P3H1: variants seen among roughly 807,000 people sequenced by gnomAD.
P3H1 encodes prolyl 3-hydroxylase 1.
In P3H1, 69 loss-of-function variants were observed where a neutral mutation model predicts 84.0. The observed-to-expected ratio is 0.82, with a 90% CI of 0.68 to 1.00. The LOEUF (loss-of-function observed/expected upper bound fraction) is 1.00. Among genes scored for constraint, P3H1 ranks in the 50% least tolerant of loss-of-function variants. The pLI, the probability that P3H1 is intolerant of heterozygous loss-of-function variation, is 0.00. For missense variants in P3H1, 878 were observed against 962.8 expected (o/e 0.91, Z 1.17); for synonymous variants, 366 against 388.8 (o/e 0.94, Z 0.69).
chr1:42,757,366 T>G (rs1055035662), intron 5 of P3H1, among the ~76,000 whole-genome samples: 1 of 151,360 alleles, frequency 6.6e-6, no homozygotes, highest in African/African-American at 2.4e-5. Flanking sequence ...GAACAAACAA[T>G]GGCAGGAAGA....
At chr1:42,750,880 G>A (rs1386086304) in intron 10 of P3H1, among the ~76,000 whole-genome samples, 10 of 149,196 alleles carry the variant, frequency 6.7e-5, no homozygotes, top group East Asian at 4.1e-4. Context: ...GCCTCTGCCC[G>A]GCTGCCCCTA....
Position 42,762,369 on chromosome 1 carries a change from C to T in P3H1, c.572G>A (p.Gly191Glu). Residue 191 changes from glycine (G) to glutamate (E), a missense_variant, in exon 2 of 15, where the codon GGA (glycine) becomes GAA (glutamate). Coordinates refer to ENST00000296388, the MANE Select transcript of P3H1 (RefSeq NM_022356.4). Reference protein sequence around the residue: ...QNLDYYQTMSGVKEADFKDLE... With the variant: ...QNLDYYQTMSEVKEADFKDLE... Reference sequence around the variant, plus strand: ...ATCCTTGAAGTCGGCCTCCTTCACTCCAGACATGGTTTGGTAATAGTCTAG... The same window carrying T: ...ATCCTTGAAGTCGGCCTCCTTCACTTCAGACATGGTTTGGTAATAGTCTAG... 2 of 1,614,172 alleles carry T rather than the reference C, an allele frequency of 1.2e-6. No individual in the cohort carries two copies. Among genetic ancestry groups the T allele is most frequent in the Non-Finnish European group, 1.7e-6 (2 of 1,180,010 alleles).
intron 14 of P3H1, 142 bp downstream of exon 14, chr1:42,747,130 C>G: frequency 6.2e-7 from 1 of 1,614,180 alleles, no homozygotes; most frequent in Non-Finnish European, 8.5e-7. Flanking sequence ...AATGACAGGG[C>G]GTTGGAGCTG....
At position 42,754,831 on chromosome 1, in the gene P3H1, G is replaced by A; in HGVS notation, c.1345+38C>T. 6.2e-7 allele frequency: 1 copy of A among 1,613,770 alleles called. No individual in the cohort carries two copies. Among genetic ancestry groups the A allele is most frequent in the Middle Eastern group, 1.7e-4 (1 of 6,052 alleles). On this transcript the variant is annotated intron_variant, in intron 8 of 14. Transcript: ENST00000296388. The surrounding 1 kb of genome is among the most constrained non-coding windows in gnomAD (Gnocchi z 4.0). ...TGTGGGGTGACCTGCCTGGCTCCCTGACAACAGCCAGACATGCCCCTATTT... is the reference window on the plus strand; with the variant it reads ...TGTGGGGTGACCTGCCTGGCTCCCTAACAACAGCCAGACATGCCCCTATTT...
intron 4 of P3H1, among the ~76,000 whole-genome samples, 181 bp from the exon 5 acceptor site, chr1:42,758,103 C>T (rs1652502253): frequency 6.6e-6 from 1 of 152,210 alleles, no homozygotes; most frequent in African/African-American, 2.4e-5. Context: ...AAGTAATACA[C>T]ATAGAATGTG....
At chr1:42,748,723 T>G (rs1215082866) in intron 11 of P3H1, 6 of 286,264 alleles carry the variant, frequency 2.1e-5, no homozygotes, top group Admixed American at 4.3e-5. Context: ...TGGCAGGAAG[T>G]GGGGCAGAGA....
intron 13 of P3H1, 112 bp downstream of exon 13, chr1:42,747,611 T>C: frequency 1.6e-6 from 2 of 1,230,012 alleles, no homozygotes; most frequent in African/African-American, 1.5e-5. Context: ...GGGGGAAGGG[T>C]ACCGCCCACT....
rs773269078 is a variant in P3H1, at chr1:42,758,918, G to A, written c.874C>T (p.Arg292Ter). 5.0e-6 allele frequency: 8 copies of A among 1,614,012 alleles called. No homozygotes were observed. The highest frequency in any genetic ancestry group is 3.3e-5 in the Admixed American group (2 of 60,012). ...AGGAAGTCTTCAAAGGGCTTCTCTC[G>A]ACTTGGGTGGGAAGCAAGCTCCGTG... ...CVTELASHPS[R>*]EKPFEDFLPS... Residue 292 changes from arginine to a stop codon, truncating the protein, a stop_gained, in exon 4 of 15, where the codon CGA (arginine) becomes TGA (stop). Transcript: ENST00000296388. LOFTEE classifies it high-confidence loss of function.
chr1:42,755,308 T>C (rs1176114368), intron 6 of P3H1, 91 bp from the exon 7 acceptor site: 1 of 1,247,936 alleles, frequency 8.0e-7, no homozygotes, highest in East Asian at 2.4e-5. Context: ...ACAGGAGTAA[T>C]CCAGCTTATC....
chr1:42,766,976 C>G lies in P3H1; in HGVS notation c.-5G>C. The G allele has an allele frequency of 1.2e-6, 2 of 1,607,268 alleles. No individual in the cohort carries two copies. The highest frequency in any genetic ancestry group is 1.7e-6 in the Non-Finnish European group (2 of 1,179,710). The stretch of plus-strand genomic sequence containing the variant: ...CTTCAACGCGCGTACCGCCATCGCT[C>G]CCTCAGACCTAACGGAACCGCCAGC... On this transcript the variant is annotated 5_prime_UTR_variant, in exon 1 of 15. Transcript: ENST00000296388.
intron 7 of P3H1, 76 bp from the exon 8 acceptor site, chr1:42,755,066 T>G (rs966139019): frequency 6.2e-7 from 1 of 1,613,762 alleles, no homozygotes. Context: ...AAACTGGACC[T>G]GCCCACCCCT....
Position 42,762,331 on chromosome 1 carries a change from G to T in P3H1, c.610C>A (p.Pro204Thr), listed in dbSNP as rs766367865. 1.2e-6 allele frequency: 2 copies of T among 1,613,974 alleles called. No homozygotes were observed. Among genetic ancestry groups the T allele is most frequent in the Non-Finnish European group, 1.7e-6 (2 of 1,179,922 alleles). The change falls in exon 2 of 15, where the codon CCC (proline) becomes ACC (threonine). Residue 204 changes from proline (P) to threonine (T), a missense_variant. Physicochemically the swap from Pro to Thr is conservative, Grantham distance 38. Coordinates refer to ENST00000296388, the MANE Select transcript of P3H1 (RefSeq NM_022356.4). The part of the protein sequence containing the change: ...EADFKDLETQ[P>T]HMQEFRLGVR... ...GATAAAGTTTTTTTCACCATATGGG[G>T]TTGAGTCTCAAGATCCTTGAAGTCG...
At chr1:42,757,001 G>C (rs1652437773) in intron 5 of P3H1, among the ~76,000 whole-genome samples, 1 of 152,192 alleles carries the variant, frequency 6.6e-6, no homozygotes, top group Admixed American at 6.5e-5. Context: ...TTCCAAAAGG[G>C]GACTTCTAGT....
chr1:42,747,274 G>GC lies in P3H1; in HGVS notation c.2052dup (p.Arg685AlafsTer8). The GC allele has an allele frequency of 1.2e-6, 2 of 1,613,868 alleles. No individual in the cohort carries two copies. The highest frequency in any genetic ancestry group is 1.7e-6 in the Non-Finnish European group (2 of 1,179,894). ...TCACCCGCTCGAGCTGCTCTCACCC[G>GC]CTCGCTGTGTCGAGGGTCCAGGGTG... On this transcript the variant is annotated frameshift_variant, in exon 14 of 15. Coordinates refer to ENST00000296388, the MANE Select transcript of P3H1 (RefSeq NM_022356.4). LOFTEE classifies it high-confidence loss of function.
intron 8 of P3H1, among the ~76,000 whole-genome samples, chr1:42,753,355 G>A (rs1652214816): frequency 6.6e-6 from 1 of 152,140 alleles, no homozygotes; most frequent in South Asian, 2.1e-4. Flanking sequence ...GTTAATTTAA[G>A]CAACTATAGG....
At chr1:42,764,045 G>A (rs550643949) in intron 1 of P3H1, among the ~76,000 whole-genome samples, 3 of 150,548 alleles carry the variant, frequency 2.0e-5, no homozygotes, top group South Asian at 2.1e-4. Context: ...CAGGAGAATC[G>A]CTTGAACCCA....
intron 7 of P3H1, 23 bp downstream of exon 7, chr1:42,755,142 T>G (rs369774706): frequency 6.2e-7 from 1 of 1,613,792 alleles, no homozygotes; most frequent in South Asian, 1.1e-5. Flanking sequence ...GATCCAACCA[T>G]GCAGTTTCTT....
chr1:42,749,815 G>A, intron 11 of P3H1: 1 of 247,270 alleles, frequency 4.0e-6, no homozygotes, highest in Non-Finnish European at 8.1e-6. Context: ...GTTGAGGGCT[G>A]TCTTTCAACA....
At chr1:42,747,449 CAA>C (rs1469183434) in intron 13 of P3H1, 37 bp from the exon 14 acceptor site, 2 of 1,586,598 alleles carry the variant, frequency 1.3e-6, no homozygotes, top group African/African-American at 1.3e-5. Flanking sequence ...TTGCACAGGA[CAA>C]AGACTGTAAT....
Sources: gnomAD v4.1 joint callset for allele counts (sites outside exome capture counted in the v4.1 genomes callset) on GRCh38, gnomAD v4.1.1 for gene constraint, Gnocchi (gnomAD v3.1) non-coding constraint, MANE v1.5 for transcripts, NCBI Gene and HGNC (gene_info 2026-07-23, HGNC 2026-07-21) for gene names.